The following RIMS2 variants were observed in gnomAD, a reference collection of about 807,000 sequenced individuals.
RIMS2 encodes the protein regulating synaptic membrane exocytosis protein 2.
Under a neutral mutation model 174.4 loss-of-function variants are expected in RIMS2, and 59 were observed. The ratio of observed to expected loss-of-function variants is 0.34; its 90% CI spans 0.27 to 0.42. The LOEUF (loss-of-function observed/expected upper bound fraction) is 0.42. Among genes scored for constraint, RIMS2 ranks in the 10% least tolerant of loss-of-function variants. The pLI, the probability that RIMS2 is intolerant of heterozygous loss-of-function variation, is 1.00. For synonymous variants in RIMS2, 606 were observed against 572.5 expected (o/e 1.06, Z -0.84); for missense variants, 1,620 against 1,666.3 (o/e 0.97, Z 0.48).
intron 1 of RIMS2, chr8:103,501,824 G>A (rs1048108170): frequency 6.6e-6 from 1 of 152,296 alleles, no homozygotes; most frequent in African/African-American, 2.4e-5. Flanking sequence ...TCTTGCTCAC[G>A]GTCTTGGCAG....
intron 13 of RIMS2, among the ~76,000 whole-genome samples, chr8:103,937,433 C>G (rs11782470): frequency 0.13 from 19,314 of 152,134 alleles, 1,696 homozygotes; most frequent in Non-Finnish European, 0.19. Flanking sequence ...TATTTTCAAG[C>G]CCTACAATGT....
At chr8:103,819,745 A>T (rs968764262) in intron 3 of RIMS2, 6 of 697,962 alleles carry the variant, frequency 8.6e-6, no homozygotes, top group Non-Finnish European at 9.0e-6. Context: ...TTATCTGTTT[A>T]CTGTAAATAT....
intron 4 of RIMS2, among the ~76,000 whole-genome samples, chr8:103,887,877 G>A (rs926398485): frequency 2.0e-5 from 3 of 151,492 alleles, no homozygotes; most frequent in Admixed American, 6.6e-5. Context: ...TGTGAGTAGC[G>A]GTTCATTTCA....
intron 2 of RIMS2, among the ~76,000 whole-genome samples, chr8:103,762,597 A>G (rs2072033883): frequency 6.6e-6 from 1 of 152,174 alleles, no homozygotes; most frequent in Non-Finnish European, 1.5e-5. Context: ...TGTGTGTGAG[A>G]GGTAATTCAA....
intron 17 of RIMS2, among the ~76,000 whole-genome samples, chr8:103,991,009 C>T (rs2094656605): frequency 6.6e-6 from 1 of 151,654 alleles, no homozygotes; most frequent in Non-Finnish European, 1.5e-5. Flanking sequence ...CTATTAAAGC[C>T]TAGATGATTA....
chr8:104,117,529 T>C (rs1322287657), intron 19 of RIMS2, among the ~76,000 whole-genome samples: 3 of 152,108 alleles, frequency 2.0e-5, no homozygotes, highest in Admixed American at 6.5e-5. Context: ...TTTATAGTGA[T>C]GGTATCTCTC....
At chr8:104,248,880 T>C in intron 21 of RIMS2, 67 bp downstream of exon 27, 1 of 900,952 alleles carries the variant, frequency 1.1e-6, no homozygotes, top group Non-Finnish European at 1.8e-6. Flanking sequence ...TTCTCTAAAT[T>C]TCATAGAATC....
At chr8:103,565,144 C>A (rs1374597794) in intron 1 of RIMS2, among the ~76,000 whole-genome samples, 1 of 152,148 alleles carries the variant, frequency 6.6e-6, no homozygotes, top group East Asian at 1.9e-4. Flanking sequence ...AGCCTAGGAA[C>A]TACATAGCAC....
At chr8:104,157,267 G>A (rs1274936769) in intron 19 of RIMS2, among the ~76,000 whole-genome samples, 4 of 152,024 alleles carry the variant, frequency 2.6e-5, no homozygotes, top group African/African-American at 7.2e-5. Flanking sequence ...ATCTAGGCTC[G>A]GCATGTAGCT....
rs538566685 is a variant in RIMS2 at position 103,544,885 on chromosome 8, AAAAC to A, written c.176+43825_176+43828del. On this transcript the variant is annotated intron_variant, in intron 1 of 23. Transcript: ENST00000504942. ...GGCATCAAAGAAGATATAAGAAAAA[AAAAC>A]ACATCCAAAGAACAACAACTTCAGA... Among the ~76,000 whole-genome samples the A allele has an allele frequency of 1.3e-4, 20 of 152,354 alleles. No homozygotes were observed. The South Asian group carries it at 3.9e-3, about 30-fold the overall frequency.
intron 19 of RIMS2, among the ~76,000 whole-genome samples, chr8:104,042,718 A>T (rs1055801157): frequency 1.3e-5 from 2 of 151,706 alleles, no homozygotes; most frequent in East Asian, 3.8e-4. Context: ...CTTTTAGGAT[A>T]GGTAAAATTT....
At chr8:104,103,885 C>G (rs1454666464) in intron 19 of RIMS2, among the ~76,000 whole-genome samples, 1 of 152,116 alleles carries the variant, frequency 6.6e-6, no homozygotes, top group Non-Finnish European at 1.5e-5. Flanking sequence ...TGAGTGTACT[C>G]ATGACTTCAC....
intron 19 of RIMS2, among the ~76,000 whole-genome samples, chr8:104,198,884 C>G (rs951931930): frequency 5.9e-5 from 9 of 152,088 alleles, no homozygotes; most frequent in African/African-American, 2.2e-4. Flanking sequence ...GAAAAGCACA[C>G]AAATTTATTT....
chr8:103,726,558 G>GT (rs979884621), intron 2 of RIMS2, among the ~76,000 whole-genome samples: 2 of 151,558 alleles, frequency 1.3e-5, no homozygotes, highest in African/African-American at 4.8e-5. Flanking sequence ...CCATATAGGT[G>GT]TTTTTTACTG....
At chr8:104,246,093 T>A (rs1399061395) in intron 20 of RIMS2, among the ~76,000 whole-genome samples, 1 of 152,210 alleles carries the variant, frequency 6.6e-6, no homozygotes. Flanking sequence ...CTGTTAGGGA[T>A]ATAAAAATGT....
chr8:103,867,326 T>C (rs913906176), intron 3 of RIMS2, among the ~76,000 whole-genome samples: 1 of 151,756 alleles, frequency 6.6e-6, no homozygotes, highest in African/African-American at 2.4e-5. Context: ...AATTTAATAA[T>C]GAACATTTTG....
chr8:103,549,474 T>C (rs1487425624), intron 1 of RIMS2, among the ~76,000 whole-genome samples: 1 of 152,164 alleles, frequency 6.6e-6, no homozygotes, highest in Non-Finnish European at 1.5e-5. Flanking sequence ...AAGGAAGCAC[T>C]AAGCATGGAA....
chr8:104,158,028 C>T (rs375767608), intron 19 of RIMS2, among the ~76,000 whole-genome samples: 2 of 152,070 alleles, frequency 1.3e-5, no homozygotes, highest in African/African-American at 4.8e-5. Flanking sequence ...TCGTCATTTA[C>T]GTTAGATATT....
chr8:103,612,285 C>G (rs2095396176), intron 1 of RIMS2, among the ~76,000 whole-genome samples: 1 of 152,094 alleles, frequency 6.6e-6, no homozygotes, highest in African/African-American at 2.4e-5. Context: ...GGATTGGGCC[C>G]TGGTGCCTTA....
Sources: gnomAD v4.1 joint callset for allele counts (sites outside exome capture counted in the v4.1 genomes callset) on GRCh38, gnomAD v4.1.1 for gene constraint, MANE v1.5 for transcripts, NCBI Gene and HGNC (gene_info 2026-07-23, HGNC 2026-07-21) for gene names.